The following GSKIP variants were observed in gnomAD, a reference collection of about 807,000 sequenced individuals.
The protein encoded by GSKIP is GSK3B interacting protein.
In GSKIP, 5 loss-of-function variants were observed where a neutral mutation model predicts 11.9. The observed-to-expected ratio is 0.42, with a 90% CI of 0.22 to 0.89. The LOEUF (loss-of-function observed/expected upper bound fraction) is 0.89. GSKIP is among the 40% of genes least tolerant of loss of function. GSKIP has a pLI of 0.29. For synonymous variants in GSKIP, 70 were observed against 62.9 expected (o/e 1.11, Z -0.54); for missense variants, 150 against 166.6 (o/e 0.90, Z 0.55).
chr14:96,374,048 C>T (rs1889131651), intron 1 of GSKIP, among the ~76,000 whole-genome samples: 1 of 152,098 alleles, frequency 6.6e-6, no homozygotes. Flanking sequence ...AGAAATAATA[C>T]TTGAAATTAG....
At chr14:96,383,543 A>C (rs1000624345) in intron 3 of GSKIP, among the ~76,000 whole-genome samples, 1 of 152,228 alleles carries the variant, frequency 6.6e-6, no homozygotes, top group African/African-American at 2.4e-5. Flanking sequence ...ATATTTATTC[A>C]AAGTAATTGT....
chr14:96,370,294 CAAGTT>C (rs1468769114), intron 1 of GSKIP, among the ~76,000 whole-genome samples: 1 of 152,132 alleles, frequency 6.6e-6, no homozygotes, highest in Non-Finnish European at 1.5e-5. Context: ...GGTGCTAGAA[CAAGTT>C]AAGACTTGGG....
At chr14:96,373,188 C>A (rs1055952000) in intron 1 of GSKIP, among the ~76,000 whole-genome samples, 2 of 139,974 alleles carry the variant, frequency 1.4e-5, no homozygotes, top group African/African-American at 5.4e-5. Flanking sequence ...TGAGATAGCA[C>A]CACTATACTC....
At chr14:96,372,310 G>A (rs571185954) in intron 1 of GSKIP, among the ~76,000 whole-genome samples, 1 of 152,310 alleles carries the variant, frequency 6.6e-6, no homozygotes, top group African/African-American at 2.4e-5. Context: ...CTGGTGATGT[G>A]TATATCACAG....
At chr14:96,368,661 G>T (rs532076613) in intron 1 of GSKIP, among the ~76,000 whole-genome samples, 3 of 152,228 alleles carry the variant, frequency 2.0e-5, no homozygotes, top group East Asian at 1.9e-4. Context: ...GATCATGGGG[G>T]TGGATCCCTC....
chr14:96,372,202 G>A (rs1208308512), intron 1 of GSKIP, among the ~76,000 whole-genome samples: 5 of 152,274 alleles, frequency 3.3e-5, no homozygotes, highest in East Asian at 1.9e-4. Flanking sequence ...TTGTCACAGA[G>A]CCGAGTATCA....
At chr14:96,366,065 A>G (rs1432243431) in intron 1 of GSKIP, among the ~76,000 whole-genome samples, 1 of 152,054 alleles carries the variant, frequency 6.6e-6, no homozygotes, top group African/African-American at 2.4e-5. Context: ...GAAAATGATT[A>G]GTTAGAAGCA....
chr14:96,370,638 C>CT (rs1192046352), intron 1 of GSKIP, among the ~76,000 whole-genome samples: 18 of 152,114 alleles, frequency 1.2e-4, no homozygotes, highest in African/African-American at 4.3e-4. Context: ...CTCCTGCTTT[C>CT]TATCTACCTA....
At chr14:96,384,819 A>G (rs1889445070) in intron 3 of GSKIP, 1 of 152,188 alleles carries the variant, frequency 6.6e-6, no homozygotes, top group South Asian at 2.1e-4. Flanking sequence ...ACCCCTACCA[A>G]GAAAAAAAAA....
Position 96,386,234 on chromosome 14 carries a change from GAATT to G in GSKIP, c.*556_*559del, listed in dbSNP as rs1315720609. ...TTACTAATAATGGATTAATAAAGAT[GAATT>G]AATTATATATTACTTAACTAGTATT... On this transcript the variant is annotated 3_prime_UTR_variant, in exon 4 of 4. Transcript: ENST00000555181. 1 of 152,310 alleles carries G rather than the reference GAATT, an allele frequency of 6.6e-6. No homozygotes were observed. The highest frequency in any genetic ancestry group is 1.5e-5 in the Non-Finnish European group (1 of 68,034). 9.4% of individuals were successfully genotyped at this position (152,310 alleles called of 1,614,324 possible). A position where few individuals can be genotyped will look rare whatever the true frequency, so the allele number is the denominator to read the frequency against.
intron 1 of GSKIP, among the ~76,000 whole-genome samples, chr14:96,376,288 G>T (rs1436639335): frequency 6.6e-6 from 1 of 152,084 alleles, no homozygotes; most frequent in Non-Finnish European, 1.5e-5. Flanking sequence ...GCATATCCTT[G>T]TATTTTAGCC....
intron 2 of GSKIP, among the ~76,000 whole-genome samples, chr14:96,380,758 C>T (rs558724843): frequency 2.6e-5 from 4 of 152,244 alleles, no homozygotes; most frequent in Admixed American, 2.0e-4. Flanking sequence ...ACTACTCAGG[C>T]GGCTGAGGTA....
intron 1 of GSKIP, among the ~76,000 whole-genome samples, chr14:96,369,076 T>C (rs1188455568): frequency 2.0e-5 from 3 of 152,166 alleles, no homozygotes; most frequent in Non-Finnish European, 4.4e-5. Context: ...TTATTGGGAA[T>C]TGGAGCAAAC....
intron 1 of GSKIP, among the ~76,000 whole-genome samples, chr14:96,374,268 A>G (rs923895414): frequency 6.6e-6 from 1 of 152,192 alleles, no homozygotes; most frequent in Non-Finnish European, 1.5e-5. Context: ...AAATACAGCA[A>G]TGAGGAACAG....
At chr14:96,364,816 A>G (rs1032233023) in intron 1 of GSKIP, 3 of 152,244 alleles carry the variant, frequency 2.0e-5, no homozygotes, top group African/African-American at 4.8e-5. Context: ...AAACGGAAGC[A>G]TGGTGGTACC....
chr14:96,382,264 A>G lies in GSKIP; in HGVS notation c.17A>G (p.Asn6Ser), dbSNP rs1190934517. 1 of 1,604,712 alleles carries G rather than the reference A, an allele frequency of 6.2e-7. No homozygotes were observed. The highest frequency in any genetic ancestry group is 1.1e-5 in the South Asian group (1 of 90,086). METDC[N>S]PMELSSMSGF... ...TTTTACAGAATGGAAACAGACTGTA[A>G]TCCCATGGAGCTAAGCAGTATGTCA... The change falls in exon 3 of 4, where the codon AAT (asparagine) becomes AGT (serine). Residue 6 changes from asparagine to serine, a missense_variant. Physicochemically the swap from Asn to Ser is conservative, Grantham distance 46. Transcript: ENST00000555181.
At chr14:96,377,204 A>G (rs1215025406) in intron 1 of GSKIP, among the ~76,000 whole-genome samples, 1 of 152,258 alleles carries the variant, frequency 6.6e-6, no homozygotes, top group East Asian at 1.9e-4. Context: ...GCCAAACTTC[A>G]GATGGCTATT....
At chr14:96,383,653 G>A (rs1264808832) in intron 3 of GSKIP, among the ~76,000 whole-genome samples, 1 of 152,208 alleles carries the variant, frequency 6.6e-6, no homozygotes, top group Non-Finnish European at 1.5e-5. Context: ...GATTCACTTT[G>A]CTGAAGATGA....
chr14:96,368,261 C>A (rs1297739190), intron 1 of GSKIP, among the ~76,000 whole-genome samples: 1 of 150,976 alleles, frequency 6.6e-6, no homozygotes, highest in African/African-American at 2.4e-5. Context: ...CTCATTGTAG[C>A]CTCAACCTCC....
Sources: gnomAD v4.1 joint callset for allele counts (sites outside exome capture counted in the v4.1 genomes callset) on GRCh38, gnomAD v4.1.1 for gene constraint, MANE v1.5 for transcripts, NCBI Gene and HGNC (gene_info 2026-07-23, HGNC 2026-07-21) for gene names.